UGGT2: variants seen among roughly 807,000 people sequenced by gnomAD.
UGGT2 encodes UDP-glucose:glycoprotein glucosyltransferase 2.
Under a neutral mutation model 192.1 loss-of-function variants are expected in UGGT2, and 180 were observed. The observed-to-expected ratio is 0.94, with a 90% confidence interval of 0.83 to 1.06. The LOEUF (loss-of-function observed/expected upper bound fraction) is 1.06. Among genes scored for constraint, UGGT2 ranks in the 50% least tolerant of loss-of-function variants. The probability of loss-of-function intolerance (pLI) is 0.00; values close to 1 mark genes in which losing one functional copy is unlikely to be tolerated. For missense variants in UGGT2, 1,849 were observed against 1,795.7 expected (o/e 1.03, Z -0.54); for synonymous variants, 580 against 591.0 (o/e 0.98, Z 0.27).
intron 9 of UGGT2, 136 bp from the exon 10 acceptor site, chr13:95,984,000 CAT>C (rs1383392350): frequency 2.0e-6 from 1 of 505,644 alleles, no homozygotes; most frequent in Non-Finnish European, 3.3e-6. Flanking sequence ...TATACATTTC[CAT>C]ATGGCCTAAT....
intron 12 of UGGT2, among the ~76,000 whole-genome samples, chr13:95,967,773 G>C (rs911740391): frequency 6.6e-6 from 1 of 152,054 alleles, no homozygotes; most frequent in Non-Finnish European, 1.5e-5. Flanking sequence ...TGCCTGGCCA[G>C]GCATAACTTT....
chr13:95,853,743 G>C, intron 35 of UGGT2, 86 bp from the exon 36 acceptor site: 1 of 809,684 alleles, frequency 1.2e-6, no homozygotes, highest in Non-Finnish European at 1.9e-6. Context: ...TACAGTGACG[G>C]TATTAACTAC....
chr13:95,890,256 G>A (rs774831040), intron 25 of UGGT2, among the ~76,000 whole-genome samples: 1 of 152,110 alleles, frequency 6.6e-6, no homozygotes, highest in Non-Finnish European at 1.5e-5. Flanking sequence ...CACAACATAT[G>A]AAAGACACCT....
At chr13:96,044,452 G>C (rs1417954607) in intron 1 of UGGT2, among the ~76,000 whole-genome samples, 1 of 152,070 alleles carries the variant, frequency 6.6e-6, no homozygotes, top group Non-Finnish European at 1.5e-5. Flanking sequence ...AGGAACTAAA[G>C]AAACAGAACA....
At chr13:95,889,777 T>C (rs975516239) in intron 25 of UGGT2, among the ~76,000 whole-genome samples, 23 of 152,232 alleles carry the variant, frequency 1.5e-4, no homozygotes, top group African/African-American at 5.3e-4. Flanking sequence ...AATGCAGGAC[T>C]TGTGGGCATA....
intron 37 of UGGT2, among the ~76,000 whole-genome samples, chr13:95,836,503 G>T (rs1887306216): frequency 6.6e-6 from 1 of 152,150 alleles, no homozygotes; most frequent in Non-Finnish European, 1.5e-5. Context: ...TCCTTTATAA[G>T]AGTAACTCAC....
At chr13:96,052,571 T>G (rs1250462892) in intron 1 of UGGT2, among the ~76,000 whole-genome samples, 1 of 152,222 alleles carries the variant, frequency 6.6e-6, no homozygotes, top group East Asian at 1.9e-4. Context: ...GAACAGCCAT[T>G]AAGTCATTGG....
chr13:95,927,458 T>C, intron 17 of UGGT2, 122 bp from the exon 18 acceptor site: 3 of 738,806 alleles, frequency 4.1e-6, no homozygotes, highest in Non-Finnish European at 6.0e-6. Context: ...ATTATTACAA[T>C]ACATTTTCTT....
chr13:95,861,033 T>C (rs1890117492), intron 31 of UGGT2, 150 bp from the exon 32 acceptor site: 1 of 405,938 alleles, frequency 2.5e-6, no homozygotes, highest in Non-Finnish European at 4.4e-6. Context: ...AATATTAAAA[T>C]ATTTGACAAT....
intron 36 of UGGT2, among the ~76,000 whole-genome samples, chr13:95,848,366 T>C (rs765635345): frequency 2.0e-5 from 3 of 152,218 alleles, no homozygotes; most frequent in South Asian, 2.1e-4. Context: ...TAAAAAGTCA[T>C]TGACATACCC....
chr13:96,006,320 T>C (rs1056348932), intron 5 of UGGT2, among the ~76,000 whole-genome samples: 2 of 152,094 alleles, frequency 1.3e-5, no homozygotes, highest in African/African-American at 2.4e-5. Context: ...GTAAACTTGA[T>C]ATAGCCAAAG....
At chr13:95,952,513 G>A (rs1489678863) in intron 12 of UGGT2, among the ~76,000 whole-genome samples, 1 of 152,148 alleles carries the variant, frequency 6.6e-6, no homozygotes, top group Non-Finnish European at 1.5e-5. Context: ...TAAATGCTAT[G>A]TAAATAGTTG....
chr13:95,903,962 A>G (rs1468217370), intron 20 of UGGT2, among the ~76,000 whole-genome samples: 1 of 152,198 alleles, frequency 6.6e-6, no homozygotes, highest in African/African-American at 2.4e-5. Context: ...ATCATTAACA[A>G]TACTAAACAT....
intron 4 of UGGT2, among the ~76,000 whole-genome samples, chr13:96,014,652 A>G (rs1314300098): frequency 6.6e-6 from 1 of 152,206 alleles, no homozygotes; most frequent in Non-Finnish European, 1.5e-5. Flanking sequence ...TAACCGATGA[A>G]GAGACATGAA....
intron 1 of UGGT2, among the ~76,000 whole-genome samples, chr13:96,034,949 G>A (rs2052955357): frequency 6.6e-6 from 1 of 152,216 alleles, no homozygotes. Flanking sequence ...AAGGAGCACA[G>A]CAGGCCCGAG....
At chr13:95,905,356 C>T (rs1234758686) in intron 20 of UGGT2, among the ~76,000 whole-genome samples, 2 of 151,568 alleles carry the variant, frequency 1.3e-5, no homozygotes, top group Non-Finnish European at 2.9e-5. Context: ...GTGTTTTAGA[C>T]ATGAAGTCCT....
At chr13:95,879,675 GATCCGCCC>G (rs1253460654) in intron 27 of UGGT2, among the ~76,000 whole-genome samples, 2 of 152,152 alleles carry the variant, frequency 1.3e-5, no homozygotes, top group African/African-American at 4.8e-5. Flanking sequence ...GACTTCAAGT[GATCCGCCC>G]ATCTTGGCCT....
intron 1 of UGGT2, among the ~76,000 whole-genome samples, chr13:96,047,360 G>A (rs182762185): frequency 6.6e-6 from 1 of 152,214 alleles, no homozygotes; most frequent in South Asian, 2.1e-4. Flanking sequence ...GGCAAACAGG[G>A]TCTGGAGTGG....
intron 20 of UGGT2, among the ~76,000 whole-genome samples, chr13:95,909,417 C>A (rs2140330455): frequency 6.6e-6 from 1 of 151,512 alleles, no homozygotes; most frequent in East Asian, 1.9e-4. Context: ...GAATACTATG[C>A]AGCCATAAAA....
Sources: allele counts gnomAD v4.1 joint callset (sites outside exome capture counted in the v4.1 genomes callset), GRCh38; gene constraint gnomAD v4.1.1; transcripts MANE v1.5; gene names NCBI Gene and HGNC (gene_info 2026-07-23, HGNC 2026-07-21).